TOGARAM2: variants seen among roughly 807,000 people sequenced by gnomAD.
The protein encoded by TOGARAM2 is TOG array regulator of axonemal microtubules 2.
Under a neutral mutation model 93.3 loss-of-function variants are expected in TOGARAM2, and 85 were observed. That is an observed-to-expected ratio of 0.91 (90% CI 0.76 to 1.09). TOGARAM2 has a LOEUF of 1.09. TOGARAM2 is among the 50% of genes least tolerant of loss of function. The pLI is 0.00. For missense variants in TOGARAM2, 1,277 were observed against 1,334.5 expected (o/e 0.96, Z 0.67); for synonymous variants, 593 against 552.8 (o/e 1.07, Z -1.02).
chr2:29,006,293 ATG>A (rs1481680538), intron 6 of TOGARAM2, among the ~76,000 whole-genome samples: 14 of 124,382 alleles, frequency 1.1e-4, no homozygotes, highest in South Asian at 2.7e-4. Context: ...GTATGTGTGC[ATG>A]TGTGTGTGTG....
At chr2:28,969,516 G>A (rs573682763) in intron 1 of TOGARAM2, among the ~76,000 whole-genome samples, 27 of 152,294 alleles carry the variant, frequency 1.8e-4, no homozygotes, top group African/African-American at 6.5e-4. Context: ...ACACCAATGG[G>A]TCATTAACTT....
intron 1 of TOGARAM2, among the ~76,000 whole-genome samples, chr2:28,983,191 TA>T: frequency 2.0e-5 from 1 of 50,404 alleles, no homozygotes; most frequent in African/African-American, 5.7e-5. Flanking sequence ...TATATATATA[TA>T]TATATATTTT....
At chr2:29,016,750 G>T (rs1664597799) in intron 8 of TOGARAM2, among the ~76,000 whole-genome samples, 1 of 152,068 alleles carries the variant, frequency 6.6e-6, no homozygotes, top group Non-Finnish European at 1.5e-5. Context: ...TCCACCCCCT[G>T]ACTGTCCCCA....
At chr2:29,042,656 C>A (rs1443222083) in intron 18 of TOGARAM2, among the ~76,000 whole-genome samples, 1 of 152,212 alleles carries the variant, frequency 6.6e-6, no homozygotes, top group Non-Finnish European at 1.5e-5. Context: ...GGCTCCCACA[C>A]ACAGCTGCGC....
rs114619905 is a variant in TOGARAM2, at chr2:29,022,411, C to T, written c.1511+103C>T. The T allele has an allele frequency of 4.2e-4, 631 of 1,493,498 alleles. 3 individuals are homozygous for T. The African/African-American group carries it at 7.8e-3, about 19-fold the overall frequency. The allele number at this position is 1,493,498 out of a possible 1,614,324, so 92.5% of individuals were successfully genotyped here. A position where few individuals can be genotyped will look rare whatever the true frequency, so the allele number is the denominator to read the frequency against. The stretch of plus-strand genomic sequence containing the variant: ...TTCCCTCCTCTCCCACTCTGGGGTT[C>T]CAGCACCATGGAGCATAAAAGCCAG... On this transcript the variant is annotated intron_variant, in intron 11 of 19. Coordinates refer to ENST00000379558, the MANE Select transcript of TOGARAM2 (RefSeq NM_199280.4).
Position 29,032,953 on chromosome 2 carries a change from G to A in TOGARAM2, c.2032G>A (p.Val678Met). The part of the protein sequence containing the change: ...QDTRFYGRKM[V>M]NILMANTKFD... Reference sequence around the variant, plus strand: ...TGGCAGATTTTATGGCCGGAAGATGGTGAATATCTTGATGGCGAACACTAA... The same window carrying A: ...TGGCAGATTTTATGGCCGGAAGATGATGAATATCTTGATGGCGAACACTAA... The change falls in exon 15 of 20, where the codon GTG becomes ATG. Residue 678 changes from valine (V) to methionine (M), a missense_variant. Transcript: ENST00000379558. 1 of 1,613,752 alleles carries A rather than the reference G, an allele frequency of 6.2e-7. No homozygotes were observed. Among genetic ancestry groups the A allele is most frequent in the Non-Finnish European group, 8.5e-7 (1 of 1,179,822 alleles).
At chr2:28,991,007 T>C (rs1672703549) in intron 1 of TOGARAM2, among the ~76,000 whole-genome samples, 1 of 149,012 alleles carries the variant, frequency 6.7e-6, no homozygotes, top group East Asian at 2.0e-4. Context: ...TGTGTGTGTG[T>C]GTGTGTGTGT....
chr2:29,012,474 A>G (rs908410362), intron 7 of TOGARAM2, among the ~76,000 whole-genome samples: 2 of 152,104 alleles, frequency 1.3e-5, no homozygotes, highest in Non-Finnish European at 2.9e-5. Flanking sequence ...GGCGAAATGC[A>G]CCGGCACCCT....
intron 4 of TOGARAM2, among the ~76,000 whole-genome samples, chr2:29,000,220 C>T (rs1216138023): frequency 6.6e-6 from 1 of 152,022 alleles, no homozygotes; most frequent in Non-Finnish European, 1.5e-5. Context: ...GGCACAGTCG[C>T]TTGGCAGCTA....
chr2:29,003,881 TGGCTCC>T (rs1244676744), intron 6 of TOGARAM2, among the ~76,000 whole-genome samples, 199 bp downstream of exon 6: 1 of 152,240 alleles, frequency 6.6e-6, no homozygotes, highest in Non-Finnish European at 1.5e-5. Context: ...CTCTGCCTCT[TGGCTCC>T]GGCAGGCTGG....
chr2:29,044,456 G>C (rs1666619301), intron 18 of TOGARAM2, among the ~76,000 whole-genome samples: 1 of 152,128 alleles, frequency 6.6e-6, no homozygotes, highest in African/African-American at 2.4e-5. Flanking sequence ...AGCCAGCCGG[G>C]TGCTTCTGCT....
rs1284597438 is a variant in TOGARAM2, at chr2:29,052,208, A to G, written c.*115A>G. On this transcript the variant is annotated 3_prime_UTR_variant, in exon 20 of 20. Transcript: ENST00000379558. ...ACATGGTATATTTTGAAGTAGAAATAAAAGAATTACTTATTTTTCTAAGGT... is the reference window on the plus strand; with the variant it reads ...ACATGGTATATTTTGAAGTAGAAATGAAAGAATTACTTATTTTTCTAAGGT... 5 of 859,554 alleles carry G rather than the reference A, an allele frequency of 5.8e-6. No individual in the cohort carries two copies. Among genetic ancestry groups the G allele is most frequent in the Non-Finnish European group, 8.3e-6 (5 of 602,544 alleles). The allele number at this position is 859,554 out of a possible 1,614,324, so 53.2% of individuals were successfully genotyped here.
intron 6 of TOGARAM2, among the ~76,000 whole-genome samples, chr2:29,005,637 CATGTGTGT>C (rs1433082006): frequency 5.4e-5 from 1 of 18,568 alleles, no homozygotes; most frequent in African/African-American, 9.9e-5. Flanking sequence ...AGTGTGTGTG[CATGTGTGT>C]ATGTGTGTGA....
intron 1 of TOGARAM2, among the ~76,000 whole-genome samples, chr2:28,960,803 C>T (rs773792040): frequency 3.9e-5 from 6 of 152,206 alleles, no homozygotes; most frequent in Non-Finnish European, 7.3e-5. Context: ...CAGTGAGCAC[C>T]TAACATGTAT....
At chr2:28,981,675 A>G (rs1672198984) in intron 1 of TOGARAM2, 137 bp downstream of exon 1, 1 of 152,674 alleles carries the variant, frequency 6.5e-6, no homozygotes, top group Admixed American at 6.5e-5. Context: ...AAGAAAAAGC[A>G]TCCTGCTGTG....
At chr2:28,974,927 G>A (rs374601458) in intron 1 of TOGARAM2, among the ~76,000 whole-genome samples, 29 of 151,912 alleles carry the variant, frequency 1.9e-4, no homozygotes, top group Middle Eastern at 3.4e-3. Flanking sequence ...CACTGTGCCC[G>A]GCCTTGTTCA....
intron 6 of TOGARAM2, among the ~76,000 whole-genome samples, chr2:29,008,867 A>T (rs1429792349): frequency 6.6e-6 from 1 of 152,242 alleles, no homozygotes; most frequent in Non-Finnish European, 1.5e-5. Context: ...GGTACCTGGC[A>T]TGGATTAGTT....
chr2:28,985,757 G>GACTGAAAT (rs900196357), intron 1 of TOGARAM2, among the ~76,000 whole-genome samples: 4 of 152,118 alleles, frequency 2.6e-5, no homozygotes, highest in Non-Finnish European at 4.4e-5. Flanking sequence ...ATCAGAAAAA[G>GACTGAAAT]ACTGAAATGA....
intron 6 of TOGARAM2, among the ~76,000 whole-genome samples, chr2:29,004,749 T>TGTAC (rs1553338579): frequency 0.079 from 11,418 of 144,624 alleles, 506 homozygotes; most frequent in African/African-American, 0.13. Flanking sequence ...CATGTGTGTG[T>TGTAC]GTGTCTGAGT....
Sources: gnomAD v4.1 joint callset for allele counts (sites outside exome capture counted in the v4.1 genomes callset) on GRCh38, gnomAD v4.1.1 for gene constraint, MANE v1.5 for transcripts, NCBI Gene and HGNC (gene_info 2026-07-23, HGNC 2026-07-21) for gene names.